The following PCSK5 variants were observed in gnomAD, a reference collection of about 807,000 sequenced individuals.
The protein encoded by PCSK5 is proprotein convertase subtilisin/kexin type 5, also known as prohormone convertase 5.
PCSK5 carries 129 observed loss-of-function variants against 233.2 expected under a neutral mutation model. The ratio of observed to expected loss-of-function variants is 0.55; its 90% CI spans 0.48 to 0.64. The LOEUF (loss-of-function observed/expected upper bound fraction) is 0.64. Among genes scored for constraint, PCSK5 ranks in the 30% least tolerant of loss-of-function variants. The probability of loss-of-function intolerance (pLI) is 0.00; values close to 1 mark genes in which losing one functional copy is unlikely to be tolerated. For synonymous variants in PCSK5, 825 were observed against 879.2 expected (o/e 0.94, Z 1.09); for missense variants, 2,076 against 2,430.1 (o/e 0.85, Z 3.06).
intron 20 of PCSK5, among the ~76,000 whole-genome samples, chr9:76,221,917 T>G (rs1825738890): frequency 6.6e-6 from 1 of 152,042 alleles, no homozygotes; most frequent in South Asian, 2.1e-4. Flanking sequence ...CCAGGAAGGA[T>G]AAGTCTTGTC....
In PCSK5 at chr9:76,296,840, C is replaced by A. The variant is rs753864630; in HGVS notation, c.3498C>A (p.Thr1166=). 1 of 1,611,532 alleles carries A rather than the reference C, an allele frequency of 6.2e-7. No homozygotes were observed. The highest frequency in any genetic ancestry group is 8.5e-7 in the Non-Finnish European group (1 of 1,179,500). ...LRGMCVHATK[T]QEEGKFWNEA... ...GGATGTGCGTGCATGCCACCAAGACCCAGGAGGAGGGCAAATTCTGGAATG... is the reference window on the plus strand; with the variant it reads ...GGATGTGCGTGCATGCCACCAAGACACAGGAGGAGGGCAAATTCTGGAATG... The change falls in exon 27 of 38, where the codon ACC becomes ACA. Residue 1166 remains threonine (T), a synonymous_variant. Coordinates refer to ENST00000674117, the MANE Select transcript of PCSK5 (RefSeq NM_001372043.1).
chr9:76,121,813 G>T (rs2131716207), intron 9 of PCSK5, among the ~76,000 whole-genome samples: 1 of 67,150 alleles, frequency 1.5e-5, no homozygotes, highest in Non-Finnish European at 2.8e-5. Flanking sequence ...CTCTTGTATT[G>T]GTTTTTTTTT....
intron 9 of PCSK5, among the ~76,000 whole-genome samples, chr9:76,124,512 C>G (rs796724598): frequency 1.4e-4 from 18 of 132,326 alleles, no homozygotes; most frequent in African/African-American, 4.8e-4. Flanking sequence ...TTTGGGAGAC[C>G]GAGGCAGGCA....
At chr9:76,198,836 C>T (rs576608691) in intron 20 of PCSK5, among the ~76,000 whole-genome samples, 35 of 152,224 alleles carry the variant, frequency 2.3e-4, no homozygotes, top group African/African-American at 8.4e-4. Flanking sequence ...GTTTAAGTGC[C>T]TTTAAAGGGT....
At chr9:75,990,182 T>G (rs1431057505) in intron 3 of PCSK5, among the ~76,000 whole-genome samples, 1 of 152,184 alleles carries the variant, frequency 6.6e-6, no homozygotes. Flanking sequence ...TTCTTCCTTT[T>G]CCTGAGCCCT....
chr9:75,956,628 TAGATATA>T (rs1825106688), intron 2 of PCSK5, among the ~76,000 whole-genome samples: 1 of 152,202 alleles, frequency 6.6e-6, no homozygotes, highest in Non-Finnish European at 1.5e-5. Flanking sequence ...AAGAGATTTA[TAGATATA>T]AGATTTAAGA....
intron 2 of PCSK5, among the ~76,000 whole-genome samples, chr9:75,958,920 C>CT (rs1439854440): frequency 3.9e-5 from 6 of 152,224 alleles, no homozygotes; most frequent in Non-Finnish European, 8.8e-5. Flanking sequence ...AATTGGTAAT[C>CT]TAGAGGGCTG....
At chr9:76,048,914 C>T (rs753568859) in intron 5 of PCSK5, among the ~76,000 whole-genome samples, 38 of 151,926 alleles carry the variant, frequency 2.5e-4, no homozygotes, top group Non-Finnish European at 5.1e-4. Flanking sequence ...AAAATCATAG[C>T]GAGTGGAGGT....
rs61251827 is a variant in PCSK5 at position 76,210,379 on chromosome 9, G to T, written c.2627-17124G>T. Among the ~76,000 whole-genome samples, 749 of 152,256 alleles carry T rather than the reference G, an allele frequency of 4.9e-3. 7 individuals carry two copies. The highest frequency in any genetic ancestry group is 0.016 in the African/African-American group (651 of 41,550). On this transcript the variant is annotated intron_variant, in intron 20 of 37. Coordinates refer to ENST00000674117, the MANE Select transcript of PCSK5 (RefSeq NM_001372043.1). ...CTGTCATTGGTTGAGGACAACTCCC[G>T]GGGGTCAGTTCGCTCCCTCTTCTGG...
chr9:76,059,148 G>A (rs1206182448), intron 5 of PCSK5, among the ~76,000 whole-genome samples: 1 of 152,236 alleles, frequency 6.6e-6, no homozygotes, highest in Non-Finnish European at 1.5e-5. Context: ...GGTTATGGGA[G>A]TCTGAAGGAG....
At chr9:76,346,766 TC>T (rs569102311) in intron 35 of PCSK5, among the ~76,000 whole-genome samples, 151 of 152,236 alleles carry the variant, frequency 9.9e-4, no homozygotes, top group South Asian at 2.5e-3. Flanking sequence ...ATGAATTCCT[TC>T]CTTTTTAAGT....
intron 1 of PCSK5, 80 bp from the exon 2 acceptor site, chr9:75,932,299 T>C (rs1004073515): frequency 3.5e-5 from 31 of 876,710 alleles, no homozygotes; most frequent in Non-Finnish European, 4.8e-5. Context: ...CCTTTTTAAA[T>C]GAAAAACAGG....
At chr9:76,194,679 T>C in intron 20 of PCSK5, 1 of 447,738 alleles carries the variant, frequency 2.2e-6, no homozygotes, top group East Asian at 7.2e-5. Context: ...GAAGACTGAA[T>C]TATGAGGAAA....
intron 7 of PCSK5, among the ~76,000 whole-genome samples, chr9:76,091,706 A>G (rs1831295995): frequency 5.9e-5 from 9 of 152,098 alleles, no homozygotes; most frequent in Admixed American, 5.9e-4. Flanking sequence ...TGCATTCACC[A>G]GCCCCCTGCC....
chr9:76,168,447 T>G lies in PCSK5; in HGVS notation c.1620-1257T>G, dbSNP rs185260292. Among the ~76,000 whole-genome samples, 11 of 152,312 alleles carry G rather than the reference T, an allele frequency of 7.2e-5. No homozygotes were observed. The East Asian group carries it at 1.5e-3, about 21-fold the overall frequency. On this transcript the variant is annotated intron_variant, in intron 12 of 37. Transcript: ENST00000674117. ...ACAGGCATGAACCGCTGCACCCACTTATTTCTTAATATGTTAATTTTATAC... is the reference window on the plus strand; with the variant it reads ...ACAGGCATGAACCGCTGCACCCACTGATTTCTTAATATGTTAATTTTATAC...
intron 20 of PCSK5, among the ~76,000 whole-genome samples, chr9:76,200,675 T>C (rs1446930603): frequency 6.6e-6 from 1 of 152,160 alleles, no homozygotes; most frequent in Non-Finnish European, 1.5e-5. Flanking sequence ...TTATGATGTT[T>C]AAGAAGGATA....
At chr9:76,342,924 A>T (rs1042978833) in intron 35 of PCSK5, among the ~76,000 whole-genome samples, 2 of 151,972 alleles carry the variant, frequency 1.3e-5, no homozygotes, top group African/African-American at 4.8e-5. Context: ...CCTACCCCTT[A>T]AATATCTCCT....
intron 5 of PCSK5, among the ~76,000 whole-genome samples, chr9:76,034,144 C>T (rs755710424): frequency 9.2e-5 from 14 of 152,118 alleles, no homozygotes; most frequent in Non-Finnish European, 2.1e-4. Context: ...CCTTCTTTCA[C>T]CCCAGAAGCC....
chr9:76,172,689 TGAGAGATGCCATA>T (rs1823379373), intron 13 of PCSK5, among the ~76,000 whole-genome samples: 1 of 152,214 alleles, frequency 6.6e-6, no homozygotes, highest in Admixed American at 6.5e-5. Context: ...TTTGTACACT[TGAGAGATGCCATA>T]AGGAAAATGC....
Sources: gnomAD v4.1 joint callset for allele counts (sites outside exome capture counted in the v4.1 genomes callset) on GRCh38, gnomAD v4.1.1 for gene constraint, MANE v1.5 for transcripts, NCBI Gene and HGNC (gene_info 2026-07-23, HGNC 2026-07-21) for gene names.